Variants in KIAA1217 observed in about 807,000 individuals in gnomAD.
The protein encoded by KIAA1217 is sickle tail protein homolog.
In KIAA1217, 88 loss-of-function variants were observed where a neutral mutation model predicts 163.9. That is an observed-to-expected ratio of 0.54 (90% CI 0.45 to 0.64). The LOEUF is 0.64. KIAA1217 is among the 30% of genes least tolerant of loss of function. The pLI is 0.00. For missense variants in KIAA1217, 2,372 were observed against 2,475.0 expected (o/e 0.96, Z 0.88); for synonymous variants, 903 against 923.1 (o/e 0.98, Z 0.39).
intron 2 of KIAA1217, among the ~76,000 whole-genome samples, chr10:24,051,549 G>C (rs1589307242): frequency 6.6e-6 from 1 of 152,202 alleles, no homozygotes; most frequent in Admixed American, 6.5e-5. Flanking sequence ...TTCCATAGTG[G>C]TTGTGCTAGT....
At chr10:23,756,940 C>T (rs1833949493) in intron 1 of KIAA1217, among the ~76,000 whole-genome samples, 1 of 152,158 alleles carries the variant, frequency 6.6e-6, no homozygotes, top group African/African-American at 2.4e-5. Context: ...TTCTATTATG[C>T]TAAGTGCCTT....
At chr10:24,312,186 C>T (rs2042786067) in intron 2 of KIAA1217, among the ~76,000 whole-genome samples, 1 of 152,060 alleles carries the variant, frequency 6.6e-6, no homozygotes, top group African/African-American at 2.4e-5. Flanking sequence ...CGGAGAGGAG[C>T]CCAGCTAACG....
rs1384106523 is a variant in KIAA1217, at chr10:24,230,711, A to G, written c.354+10802A>G. 2.6e-5 allele frequency among the ~76,000 whole-genome samples: 4 copies of G among 151,994 alleles called. No homozygotes were observed. In the East Asian group the frequency reaches 7.7e-4, roughly 29 times the overall value. Reference sequence around the variant, plus strand: ...ATTTTTGGCTAACTTTTGCATTTTTAGTTGAAATGTGGTTTCACCATGTTG... The same window carrying G: ...ATTTTTGGCTAACTTTTGCATTTTTGGTTGAAATGTGGTTTCACCATGTTG... On this transcript the variant is annotated intron_variant, in intron 2 of 20. Transcript: ENST00000376454.
At chr10:23,727,856 T>C (rs1335822358) in intron 1 of KIAA1217, among the ~76,000 whole-genome samples, 1 of 152,166 alleles carries the variant, frequency 6.6e-6, no homozygotes, top group East Asian at 1.9e-4. Flanking sequence ...GTCCATGTGT[T>C]CTCATTGTTG....
chr10:24,020,505 A>C (rs1054488328), intron 2 of KIAA1217, among the ~76,000 whole-genome samples: 1 of 152,106 alleles, frequency 6.6e-6, no homozygotes, highest in Non-Finnish European at 1.5e-5. Context: ...TATAAGCTTC[A>C]CACAGCCATG....
At chr10:23,845,233 A>G (rs1838968297) in intron 1 of KIAA1217, among the ~76,000 whole-genome samples, 1 of 152,102 alleles carries the variant, frequency 6.6e-6, no homozygotes, top group Non-Finnish European at 1.5e-5. Context: ...ATGATTTGTA[A>G]TCCTTTGGGT....
intron 1 of KIAA1217, among the ~76,000 whole-genome samples, chr10:23,982,585 T>G (rs1845819094): frequency 1.3e-5 from 1 of 78,498 alleles, no homozygotes; most frequent in Non-Finnish European, 2.7e-5. Context: ...CTCTCTCGGC[T>G]GGAGTTTGGC....
intron 2 of KIAA1217, among the ~76,000 whole-genome samples, chr10:24,112,417 A>G (rs1023538180): frequency 1.3e-5 from 2 of 152,156 alleles, no homozygotes; most frequent in African/African-American, 4.8e-5. Context: ...TCAAGTATAT[A>G]GCCTGGTGTC....
chr10:24,139,962 T>C lies in KIAA1217; in HGVS notation c.-170-79664T>C, dbSNP rs371238216. On this transcript the variant is annotated intron_variant, in intron 2 of 18. Transcript: ENST00000376462. ...TAACAATATACTGTTCACAATTTTA[T>C]GAATAGATTTGTTCTTCCCATAGAT... Among the ~76,000 whole-genome samples the C allele has an allele frequency of 4.6e-4, 70 of 152,252 alleles. 1 individual carries two copies. The highest frequency in any genetic ancestry group is 1.7e-3 in the African/African-American group (69 of 41,560).
At chr10:24,443,513 CAT>C (rs1239739456) in intron 5 of KIAA1217, among the ~76,000 whole-genome samples, 1 of 151,964 alleles carries the variant, frequency 6.6e-6, no homozygotes. Flanking sequence ...ACTCATCTAA[CAT>C]ATTCCAGAAC....
intron 2 of KIAA1217, among the ~76,000 whole-genome samples, chr10:24,186,180 C>T (rs1420311130): frequency 6.6e-6 from 1 of 151,830 alleles, no homozygotes; most frequent in South Asian, 2.1e-4. Context: ...AAAAGCAGCC[C>T]TTTTGCCCTG....
At chr10:23,899,445 G>T (rs902484380) in intron 1 of KIAA1217, among the ~76,000 whole-genome samples, 22 of 152,156 alleles carry the variant, frequency 1.4e-4, no homozygotes, top group African/African-American at 5.3e-4. Context: ...TTGTGCATCT[G>T]ACTTGAATCT....
chr10:23,746,252 G>A (rs1839410383), intron 1 of KIAA1217, among the ~76,000 whole-genome samples: 1 of 152,124 alleles, frequency 6.6e-6, no homozygotes, highest in Non-Finnish European at 1.5e-5. Flanking sequence ...CTTTCACCAT[G>A]TGATCTTTGC....
intron 2 of KIAA1217, among the ~76,000 whole-genome samples, chr10:24,140,756 T>C (rs1242418636): frequency 2.6e-5 from 4 of 152,198 alleles, no homozygotes; most frequent in Non-Finnish European, 5.9e-5. Flanking sequence ...CTGCTGTATA[T>C]AAATTATCTA....
At chr10:23,790,119 A>G (rs1398156001) in intron 1 of KIAA1217, among the ~76,000 whole-genome samples, 6 of 88,696 alleles carry the variant, frequency 6.8e-5, no homozygotes, top group African/African-American at 3.3e-4. Context: ...ATGCATATAC[A>G]CATATACACA....
intron 1 of KIAA1217, among the ~76,000 whole-genome samples, chr10:23,703,965 T>C (rs778944920): frequency 2.0e-5 from 3 of 150,726 alleles, no homozygotes; most frequent in Non-Finnish European, 4.4e-5. Flanking sequence ...GGTTGAGAGT[T>C]AGATTGGGTT....
At chr10:23,699,828 T>C (rs1424783078) in intron 1 of KIAA1217, among the ~76,000 whole-genome samples, 2 of 152,160 alleles carry the variant, frequency 1.3e-5, no homozygotes, top group Non-Finnish European at 2.9e-5. Context: ...TTGTTTTGTT[T>C]TATAGCTTAA....
intron 1 of KIAA1217, among the ~76,000 whole-genome samples, chr10:23,750,246 T>C (rs1839660904): frequency 6.6e-6 from 1 of 152,258 alleles, no homozygotes. Flanking sequence ...TCCATTTCTC[T>C]GCATTGCCCT....
At chr10:24,099,088 C>T (rs76167681) in intron 2 of KIAA1217, among the ~76,000 whole-genome samples, 3,075 of 152,144 alleles carry the variant, frequency 0.02, 105 homozygotes, top group African/African-American at 0.071. Flanking sequence ...GAGTCCCCAC[C>T]CTTGTTTGGG....
Sources: allele counts gnomAD v4.1 joint callset (sites outside exome capture counted in the v4.1 genomes callset), GRCh38; gene constraint gnomAD v4.1.1; transcripts MANE v1.5; gene names NCBI Gene and HGNC (gene_info 2026-07-23, HGNC 2026-07-21).